The following SLC4A10 variants were observed in gnomAD, a reference collection of about 807,000 sequenced individuals.
SLC4A10 encodes the protein sodium-driven chloride bicarbonate exchanger.
Under a neutral mutation model 137.7 loss-of-function variants are expected in SLC4A10, and 42 were observed. The ratio of observed to expected loss-of-function variants is 0.30; its 90% CI spans 0.24 to 0.39. SLC4A10 has a LOEUF of 0.39. Among genes scored for constraint, SLC4A10 ranks in the 10% least tolerant of loss-of-function variants. SLC4A10 has a pLI of 1.00. For synonymous variants in SLC4A10, 474 were observed against 464.1 expected (o/e 1.02, Z -0.27); for missense variants, 925 against 1,355.0 (o/e 0.68, Z 4.98).
At chr2:161,747,524 G>A (rs12615671) in intron 1 of SLC4A10, among the ~76,000 whole-genome samples, 2 of 152,004 alleles carry the variant, frequency 1.3e-5, no homozygotes, top group Admixed American at 6.6e-5. Flanking sequence ...GTGATTACTC[G>A]CCTGATTTTT....
At chr2:161,915,158 G>A (rs62188839) in intron 15 of SLC4A10, among the ~76,000 whole-genome samples, 10,204 of 152,154 alleles carry the variant, frequency 0.067, 449 homozygotes, top group East Asian at 0.13. Context: ...TGACTTCAGA[G>A]ATGGTGGCTG....
intron 1 of SLC4A10, among the ~76,000 whole-genome samples, chr2:161,702,791 A>G (rs1307617514): frequency 2.0e-5 from 3 of 151,860 alleles, no homozygotes; most frequent in Non-Finnish European, 4.4e-5. Flanking sequence ...GTTTTGCCTT[A>G]CAATCCTAAG....
intron 6 of SLC4A10, among the ~76,000 whole-genome samples, chr2:161,865,709 A>G (rs1212983745): frequency 1.3e-5 from 2 of 152,050 alleles, no homozygotes; most frequent in African/African-American, 4.8e-5. Flanking sequence ...AAAAAAGTAC[A>G]AAAGACCTTT....
At chr2:161,935,356 G>T (rs1172928654) in intron 15 of SLC4A10, among the ~76,000 whole-genome samples, 1 of 152,010 alleles carries the variant, frequency 6.6e-6, no homozygotes, top group African/African-American at 2.4e-5. Context: ...GATTTATTTG[G>T]TTATTTGTTT....
At chr2:161,978,735 A>T (rs1699795267) in intron 26 of SLC4A10, among the ~76,000 whole-genome samples, 1 of 152,182 alleles carries the variant, frequency 6.6e-6, no homozygotes, top group African/African-American at 2.4e-5. Context: ...AACCACCTTT[A>T]ATATTTACTA....
At chr2:161,753,237 T>A (rs1203463382) in intron 1 of SLC4A10, among the ~76,000 whole-genome samples, 14 of 152,146 alleles carry the variant, frequency 9.2e-5, no homozygotes, top group Admixed American at 9.2e-4. Context: ...ATACTTTCAG[T>A]GGGCACCCTG....
At chr2:161,678,470 TC>T (rs1198961890) in intron 1 of SLC4A10, among the ~76,000 whole-genome samples, 1 of 152,168 alleles carries the variant, frequency 6.6e-6, no homozygotes, top group Non-Finnish European at 1.5e-5. Context: ...TTTTAAAAAC[TC>T]TTATTGAGCT....
At chr2:161,767,968 T>C (rs2051107980) in intron 1 of SLC4A10, among the ~76,000 whole-genome samples, 1 of 152,052 alleles carries the variant, frequency 6.6e-6, no homozygotes, top group South Asian at 2.1e-4. Flanking sequence ...TTAATGCTAG[T>C]AGCTTAGTCC....
At position 161,873,909 on chromosome 2, in the gene SLC4A10, C is replaced by G. The variant is rs776921014; in HGVS notation, c.859-7C>G. 4.4e-6 allele frequency: 7 copies of G among 1,590,140 alleles called. No homozygotes were observed. The highest frequency in any genetic ancestry group is 6.0e-6 in the Non-Finnish European group (7 of 1,175,960). On this transcript the variant is annotated splice_polypyrimidine_tract_variant and splice_region_variant and intron_variant, in intron 7 of 26. Coordinates refer to ENST00000446997, the MANE Select transcript of SLC4A10 (RefSeq NM_001178015.2). The stretch of plus-strand genomic sequence containing the variant: ...TACCAGCTTAAGTCTGTTAATTATG[C>G]GTGCAGGGACTGGGAGGCCAACAAA...
chr2:161,762,459 A>G (rs1366097992), intron 1 of SLC4A10, among the ~76,000 whole-genome samples: 2 of 152,116 alleles, frequency 1.3e-5, no homozygotes, highest in Admixed American at 1.3e-4. Context: ...ATACAATTAG[A>G]CCTGAAGCAG....
At chr2:161,927,964 C>T (rs1353118826) in intron 15 of SLC4A10, among the ~76,000 whole-genome samples, 32 of 150,830 alleles carry the variant, frequency 2.1e-4, no homozygotes, top group African/African-American at 7.3e-4. Flanking sequence ...GTCAGTGTGG[C>T]GATTCCTCAG....
intron 6 of SLC4A10, among the ~76,000 whole-genome samples, chr2:161,869,220 C>T (rs1452812057): frequency 3.3e-5 from 5 of 151,588 alleles, no homozygotes; most frequent in Non-Finnish European, 7.4e-5. Flanking sequence ...AATTGCCATT[C>T]TGTGAACCAT....
intron 11 of SLC4A10, among the ~76,000 whole-genome samples, chr2:161,898,282 C>G (rs1004535323): frequency 6.6e-6 from 1 of 152,090 alleles, no homozygotes; most frequent in South Asian, 2.1e-4. Context: ...CAGAATTTTT[C>G]ATTTTAATTA....
chr2:161,663,034 G>T (rs2038629148), intron 1 of SLC4A10, among the ~76,000 whole-genome samples: 1 of 152,114 alleles, frequency 6.6e-6, no homozygotes, highest in African/African-American at 2.4e-5. Context: ...GTGTCCTTAT[G>T]GTACCCCATT....
chr2:161,672,429 G>T (rs2105794836), intron 1 of SLC4A10, among the ~76,000 whole-genome samples: 1 of 152,166 alleles, frequency 6.6e-6, no homozygotes, highest in African/African-American at 2.4e-5. Flanking sequence ...GACCATATTG[G>T]GAGGCTGAGG....
intron 3 of SLC4A10, among the ~76,000 whole-genome samples, chr2:161,836,190 C>G (rs2058754740): frequency 6.9e-6 from 1 of 145,912 alleles, no homozygotes; most frequent in Non-Finnish European, 1.5e-5. Context: ...AGCAAACAGA[C>G]AGAAAACTAT....
chr2:161,789,099 G>T (rs762102074), intron 2 of SLC4A10, among the ~76,000 whole-genome samples: 1 of 152,208 alleles, frequency 6.6e-6, no homozygotes, highest in African/African-American at 2.4e-5. Context: ...CACAATGAGT[G>T]CACAACCAGT....
At chr2:161,721,625 C>T (rs2045685543) in intron 1 of SLC4A10, among the ~76,000 whole-genome samples, 1 of 152,172 alleles carries the variant, frequency 6.6e-6, no homozygotes, top group Middle Eastern at 3.4e-3. Flanking sequence ...ACATTTTTTC[C>T]TTCATTTCTA....
intron 3 of SLC4A10, among the ~76,000 whole-genome samples, chr2:161,807,971 T>A (rs1458357515): frequency 6.6e-6 from 1 of 152,080 alleles, no homozygotes; most frequent in Non-Finnish European, 1.5e-5. Flanking sequence ...TTCATGAAGA[T>A]GTTAAGAAAG....
Sources: allele counts gnomAD v4.1 joint callset (sites outside exome capture counted in the v4.1 genomes callset), GRCh38; gene constraint gnomAD v4.1.1; transcripts MANE v1.5; gene names NCBI Gene and HGNC (gene_info 2026-07-23, HGNC 2026-07-21).